GET1: variants seen among roughly 807,000 people sequenced by gnomAD.
The protein encoded by GET1 is guided entry of tail-anchored proteins factor 1.
A neutral mutation model predicts 22.6 loss-of-function variants in GET1; 20 were observed. The observed-to-expected ratio is 0.89, with a 90% confidence interval of 0.62 to 1.29. The LOEUF is 1.29. Among genes scored for constraint, GET1 ranks in the 50% most tolerant of loss-of-function variants. The probability of loss-of-function intolerance (pLI) is 0.00; values close to 1 mark genes in which losing one functional copy is unlikely to be tolerated. For synonymous variants in GET1, 92 were observed against 83.8 expected (o/e 1.10, Z -0.53); for missense variants, 209 against 219.9 (o/e 0.95, Z 0.31).
At chr21:39,404,750 C>CAAAAA (rs748914343) in intron 4 of GET1, among the ~76,000 whole-genome samples, 6 of 88,114 alleles carry the variant, frequency 6.8e-5, no homozygotes, top group Non-Finnish European at 1.0e-4. Context: ...GAGACACTGT[C>CAAAAA]AAAAAAAAAA....
At chr21:39,382,440 A>G (rs1470116116) in intron 1 of GET1, among the ~76,000 whole-genome samples, 3 of 152,172 alleles carry the variant, frequency 2.0e-5, no homozygotes, top group Admixed American at 6.5e-5. Context: ...CTCCCTGGCA[A>G]TCACCATTGT....
chr21:39,413,366 G>A (rs2147264218), intron 1 of GET1, among the ~76,000 whole-genome samples: 1 of 152,268 alleles, frequency 6.6e-6, no homozygotes, highest in South Asian at 2.1e-4. Context: ...AGTTAGAAGA[G>A]ACTGAGACAA....
chr21:39,398,362 G>A (rs576996913), downstream of GET1, among the ~76,000 whole-genome samples: 1 of 152,174 alleles, frequency 6.6e-6, no homozygotes. Flanking sequence ...CGGCCATGTA[G>A]AGCGTGCCCA....
At chr21:39,415,890 G>T (rs2837016) in intron 1 of GET1, among the ~76,000 whole-genome samples, 1 of 151,906 alleles carries the variant, frequency 6.6e-6, no homozygotes, top group Admixed American at 6.6e-5. Context: ...TCTTTTTTCA[G>T]TTGGTAGGTA....
At chr21:39,413,692 C>T (rs918388821) in intron 1 of GET1, 1 of 152,160 alleles carries the variant, frequency 6.6e-6, no homozygotes, top group Non-Finnish European at 1.5e-5. Flanking sequence ...CAGTTCATCA[C>T]CATGAAAAGT....
intron 1 of GET1, chr21:39,411,845 T>G: frequency 1.8e-6 from 2 of 1,097,534 alleles, no homozygotes; most frequent in Non-Finnish European, 2.7e-6. Context: ...AATGCTTGCT[T>G]TTGTCAACCC....
At chr21:39,391,516 A>G (rs1601622728) in intron 2 of GET1, 2 of 429,618 alleles carry the variant, frequency 4.7e-6, no homozygotes, top group Non-Finnish European at 8.4e-6. Context: ...CTTTGATTTC[A>G]TGAGTCGTTT....
At chr21:39,394,821 G>A (rs1447709184) in intron 4 of GET1, among the ~76,000 whole-genome samples, 1 of 151,956 alleles carries the variant, frequency 6.6e-6, no homozygotes, top group Non-Finnish European at 1.5e-5. Context: ...AATTTTAGGG[G>A]GATACAAACA....
downstream of GET1, chr21:39,409,912 A>G (rs2039793760): frequency 2.2e-6 from 2 of 910,058 alleles, no homozygotes; most frequent in East Asian, 5.1e-5. This position sits in a 1 kb window ranked among gnomAD's most constrained non-coding sequence, Gnocchi z 4.2. Flanking sequence ...TGTGCTTTAT[A>G]TACACATATA....
At chr21:39,428,077 A>G (rs139574798) in intron 1 of GET1, 262 of 721,342 alleles carry the variant, frequency 3.6e-4, no homozygotes, top group African/African-American at 3.0e-3. Context: ...TGGGAAAACA[A>G]TAAAACTGAG....
intron 4 of GET1, among the ~76,000 whole-genome samples, chr21:39,404,793 G>C (rs1156269612): frequency 6.8e-6 from 1 of 146,374 alleles, no homozygotes; most frequent in East Asian, 2.0e-4. Context: ...AACTAAGCTT[G>C]GTAATCACTA....
In GET1 at chr21:39,391,830, A is replaced by G. The variant is rs2038315057; in HGVS notation, c.330A>G (p.Val110=). Residue 110 remains valine (V), a synonymous_variant, in exon 3 of 5, where the codon GTA becomes GTG. Coordinates refer to ENST00000649170, the MANE Select transcript of GET1 (RefSeq NM_004627.6). ...IKWVISVAFY[V]LQAALMISLI... Reference sequence around the variant, plus strand: ...GGGTGATAAGTGTCGCTTTCTACGTATTGCAGGTAAGTGTGCTAGAGCGTC... The same window carrying G: ...GGGTGATAAGTGTCGCTTTCTACGTGTTGCAGGTAAGTGTGCTAGAGCGTC... 1 of 1,614,146 alleles carries G rather than the reference A, an allele frequency of 6.2e-7. No individual in the cohort carries two copies. Among genetic ancestry groups the G allele is most frequent in the South Asian group, 1.1e-5 (1 of 91,080 alleles).
chr21:39,405,848 A>T, intron 4 of GET1: 3 of 1,449,648 alleles, frequency 2.1e-6, no homozygotes, highest in Non-Finnish European at 2.8e-6. Flanking sequence ...GCAGCATTAT[A>T]TCAAACCAGA....
At chr21:39,425,763 T>A (rs948602817) in intron 1 of GET1, 4 of 152,490 alleles carry the variant, frequency 2.6e-5, no homozygotes, top group African/African-American at 9.6e-5. Flanking sequence ...CTTCCAGCTC[T>A]TAGGTGCTCT....
exon 5 of GET1, chr21:39,406,553 G>T: frequency 6.2e-7 from 1 of 1,610,014 alleles, no homozygotes; most frequent in Admixed American, 1.7e-5. Context: ...TTGTCTTTTT[G>T]TCTTCCAGTA....
chr21:39,415,313 A>C (rs558068969), intron 1 of GET1, among the ~76,000 whole-genome samples: 1 of 152,340 alleles, frequency 6.6e-6, no homozygotes, highest in Admixed American at 6.5e-5. Flanking sequence ...TTAAAAATGC[A>C]TAAAATATGT....
chr21:39,381,426 A>G lies in GET1; in HGVS notation c.102+940A>G, dbSNP rs555564717. 2.6e-5 allele frequency among the ~76,000 whole-genome samples: 4 copies of G among 152,302 alleles called. No homozygotes were observed. In the South Asian group the frequency reaches 8.3e-4, roughly 32 times the overall value. Reference sequence around the variant, plus strand: ...AATTGGTAGTAGTGGAGGATATTTTATTCCACCAGTATTCATTGAGTGCCT... The same window carrying G: ...AATTGGTAGTAGTGGAGGATATTTTGTTCCACCAGTATTCATTGAGTGCCT... On this transcript the variant is annotated intron_variant, in intron 1 of 4. Coordinates refer to ENST00000649170, the MANE Select transcript of GET1 (RefSeq NM_004627.6).
At chr21:39,419,303 T>C (rs899075064) in intron 1 of GET1, among the ~76,000 whole-genome samples, 10 of 152,034 alleles carry the variant, frequency 6.6e-5, no homozygotes, top group East Asian at 1.9e-4. Context: ...GGCAGGAGGA[T>C]TGCTTGAGCC....
downstream of GET1, among the ~76,000 whole-genome samples, chr21:39,399,468 G>A (rs1048695563): frequency 1.3e-5 from 2 of 151,988 alleles, no homozygotes; most frequent in African/African-American, 4.8e-5. Flanking sequence ...TTTTTGAGAT[G>A]GAGTTTTGCT....
Sources: allele counts gnomAD v4.1 joint callset (sites outside exome capture counted in the v4.1 genomes callset), GRCh38; gene constraint gnomAD v4.1.1; non-coding constraint Gnocchi (gnomAD v3.1); transcripts MANE v1.5; gene names NCBI Gene and HGNC (gene_info 2026-07-23, HGNC 2026-07-21).